Variants in TMEM33 observed in about 807,000 individuals in gnomAD.
The protein encoded by TMEM33 is transmembrane protein 33.
Under a neutral mutation model 29.7 loss-of-function variants are expected in TMEM33, and 16 were observed. The ratio of observed to expected loss-of-function variants is 0.54; its 90% CI spans 0.36 to 0.82. TMEM33 has a LOEUF of 0.82. Ranked by LOEUF, TMEM33 falls within the 40% of genes least tolerant of loss-of-function variation. TMEM33 has a pLI of 0.00. For synonymous variants in TMEM33, 112 were observed against 109.4 expected (o/e 1.02, Z -0.15); for missense variants, 252 against 295.3 (o/e 0.85, Z 1.08).
chr4:41,954,355 A>T lies in TMEM33; in HGVS notation c.*156A>T. The T allele has an allele frequency of 1.1e-6, 1 of 891,492 alleles. No individual in the cohort carries two copies. The highest frequency in any genetic ancestry group is 1.6e-6 in the Non-Finnish European group (1 of 628,516). The allele number at this position is 891,492 out of a possible 1,614,324, so 55.2% of individuals were successfully genotyped here. On this transcript the variant is annotated 3_prime_UTR_variant, in exon 7 of 7. Transcript: ENST00000504986. ...GTGGAAAAATAATCATTTTCTTGGC[A>T]TGTTAAATCAAGCTTAAAAAGTTTT...
chr4:41,942,007 T>C (rs1983137), intron 3 of TMEM33, among the ~76,000 whole-genome samples: 3,957 of 152,310 alleles, frequency 0.026, 159 homozygotes, highest in African/African-American at 0.089. Flanking sequence ...CTCTGCATAC[T>C]CATTTGCCAG....
chr4:41,939,504 G>A, intron 3 of TMEM33, 121 bp downstream of exon 3: 4 of 1,000,616 alleles, frequency 4.0e-6, no homozygotes, highest in Non-Finnish European at 4.4e-6. Flanking sequence ...CACTTCATTT[G>A]AATGAAGATA....
In TMEM33 at chr4:41,955,645, C is replaced by T. The variant is rs922203058; in HGVS notation, c.*1446C>T. On this transcript the variant is annotated 3_prime_UTR_variant, in exon 7 of 7. Coordinates refer to ENST00000504986, the MANE Select transcript of TMEM33 (RefSeq NM_018126.3). ...TTATACTTGATAGCTTAACTATAAT[C>T]AGCTATTTTTGTATTTTTGTAATAT... is the stretch of plus-strand genomic sequence containing the variant. 3.9e-5 allele frequency: 6 copies of T among 152,380 alleles called. No homozygotes were observed. The highest frequency in any genetic ancestry group is 7.4e-5 in the Non-Finnish European group (5 of 68,008). The allele number at this position is 152,380 out of a possible 1,614,324, so 9.4% of individuals were successfully genotyped here.
rs749108113 is a variant in TMEM33, at chr4:41,943,764, T to C, written c.346T>C (p.Leu116=). The change falls in exon 4 of 7, where the codon TTG becomes CTG. Residue 116 remains leucine, a synonymous_variant. Coordinates refer to ENST00000504986, the MANE Select transcript of TMEM33 (RefSeq NM_018126.3). ...YPVTMSIFPV[L]LFSLLHAATY... ...TTCTTTAGTGAGTATCTTCCCAGTC[T>C]TGTTATTCTCTTTGCTTCATGCTGC... is the stretch of plus-strand genomic sequence containing the variant. 5.6e-6 allele frequency: 9 copies of C among 1,613,926 alleles called. No individual in the cohort carries two copies. Among genetic ancestry groups the C allele is most frequent in the East Asian group, 2.2e-5 (1 of 44,802 alleles).
chr4:41,942,331 G>C (rs1409150349), intron 3 of TMEM33, among the ~76,000 whole-genome samples: 1 of 152,132 alleles, frequency 6.6e-6, no homozygotes, highest in Non-Finnish European at 1.5e-5. Context: ...CTTGTTAGAG[G>C]TGGGAATGAG....
chr4:41,940,474 A>G (rs968888467), intron 3 of TMEM33, among the ~76,000 whole-genome samples: 9 of 152,142 alleles, frequency 5.9e-5, no homozygotes, highest in Non-Finnish European at 1.3e-4. Context: ...AGGAAAAGAA[A>G]TAGGAGGAAA....
intron 1 of TMEM33, among the ~76,000 whole-genome samples, chr4:41,937,849 G>A (rs1441052754): frequency 6.6e-6 from 1 of 151,918 alleles, no homozygotes; most frequent in Non-Finnish European, 1.5e-5. Flanking sequence ...AAGATAGAAT[G>A]GGAAAAAAAT....
At position 41,956,803 on chromosome 4, in the gene TMEM33, A is replaced by G. The variant is rs1458896487; in HGVS notation, c.*2604A>G. The G allele has an allele frequency of 1.3e-5, 2 of 152,184 alleles. No homozygotes were observed. The highest frequency in any genetic ancestry group is 4.8e-5 in the African/African-American group (2 of 41,452). The allele number at this position is 152,184 out of a possible 1,614,324, so 9.4% of individuals were successfully genotyped here. On this transcript the variant is annotated 3_prime_UTR_variant, in exon 7 of 7. Coordinates refer to ENST00000504986, the MANE Select transcript of TMEM33 (RefSeq NM_018126.3). Reference sequence around the variant, plus strand: ...AAAAAAAGGTAATCTTAAACTTACGAAAAAGTAAATTTTACAATTTGAGCA... The same window carrying G: ...AAAAAAAGGTAATCTTAAACTTACGGAAAAGTAAATTTTACAATTTGAGCA...
rs982509965 is a variant in TMEM33, at chr4:41,959,962, TG to T, written c.*5767del. Reference sequence around the variant, plus strand: ...TTTTAATATCTAATATTGTACAGGTTGGGGAGTTACATTCTTCAGGCCAATA... The same window carrying T: ...TTTTAATATCTAATATTGTACAGGTTGGGAGTTACATTCTTCAGGCCAATA... On this transcript the variant is annotated 3_prime_UTR_variant, in exon 7 of 7. Transcript: ENST00000504986. The T allele has an allele frequency of 7.6e-4, 115 of 152,294 alleles. No homozygotes were observed. The highest frequency in any genetic ancestry group is 2.7e-3 in the African/African-American group (111 of 41,576). The allele number at this position is 152,294 out of a possible 1,614,324, so 9.4% of individuals were successfully genotyped here.
In TMEM33 at chr4:41,960,605, A is replaced by G. The variant is rs1431528611; in HGVS notation, c.*6406A>G. The G allele has an allele frequency of 2.0e-5, 3 of 152,186 alleles. No individual in the cohort carries two copies. The highest frequency in any genetic ancestry group is 4.4e-5 in the Non-Finnish European group (3 of 68,006). The allele number at this position is 152,186 out of a possible 1,614,324, so 9.4% of individuals were successfully genotyped here. On this transcript the variant is annotated 3_prime_UTR_variant, in exon 7 of 7. Transcript: ENST00000504986. ...TTGCAAAAGAACTAAGAACATTTGT[A>G]GTTAGAAATCAGCTTTCCTTTGAGC...
At chr4:41,947,728 C>G (rs1402976792) in intron 5 of TMEM33, among the ~76,000 whole-genome samples, 3 of 152,152 alleles carry the variant, frequency 2.0e-5, no homozygotes, top group Admixed American at 1.3e-4. Context: ...TCTTACATTA[C>G]TGCTATTCTT....
intron 5 of TMEM33, among the ~76,000 whole-genome samples, chr4:41,946,661 T>G (rs974116147): frequency 1.3e-5 from 2 of 152,174 alleles, no homozygotes; most frequent in Non-Finnish European, 2.9e-5. Flanking sequence ...TCCTAGAAGC[T>G]GAAAGCATAT....
rs1366898533 is a variant in TMEM33, at chr4:41,935,467, A to G, written c.-18A>G. On this transcript the variant is annotated 5_prime_UTR_variant, in exon 1 of 7. Coordinates refer to ENST00000504986, the MANE Select transcript of TMEM33 (RefSeq NM_018126.3). ...TCTCTTCGCGGTTGCGGCGTCGCAG[A>G]CGCTAGTGTGAGCCCCCATGGCAGA... The G allele has an allele frequency of 6.2e-7, 1 of 1,604,808 alleles. No homozygotes were observed. Among genetic ancestry groups the G allele is most frequent in the East Asian group, 2.2e-5 (1 of 44,606 alleles).
intron 3 of TMEM33, 107 bp from the exon 4 acceptor site, chr4:41,943,640 A>G (rs1183640347): frequency 1.0e-6 from 1 of 954,038 alleles, no homozygotes; most frequent in African/African-American, 1.6e-5. Flanking sequence ...ATTCCACTGA[A>G]CTCATTTTAG....
intron 5 of TMEM33, among the ~76,000 whole-genome samples, chr4:41,948,283 A>G (rs565563473): frequency 2.2e-4 from 33 of 152,308 alleles, no homozygotes; most frequent in Admixed American, 3.3e-4. Flanking sequence ...AGATTGTGGT[A>G]TAAGTTTGAG....
In TMEM33 at chr4:41,938,720, C is replaced by T. The variant is rs774433780; in HGVS notation, c.140+24C>T. 6 of 1,607,532 alleles carry T rather than the reference C, an allele frequency of 3.7e-6. No homozygotes were observed. The East Asian group carries it at 8.9e-5, about 24-fold the overall frequency. Reference sequence around the variant, plus strand: ...GGGTATGTATTATACATATTGCTGCCTTTGATATTCAATTGTTGAGTCAGT... The same window carrying T: ...GGGTATGTATTATACATATTGCTGCTTTTGATATTCAATTGTTGAGTCAGT... On this transcript the variant is annotated intron_variant, in intron 2 of 6. Transcript: ENST00000504986.
chr4:41,943,891 A>G (rs1712663867), intron 4 of TMEM33, 77 bp downstream of exon 4: 4 of 1,411,878 alleles, frequency 2.8e-6, no homozygotes, highest in African/African-American at 1.4e-5. Context: ...ACATTTTGGT[A>G]TTTGTCACAA....
intron 3 of TMEM33, among the ~76,000 whole-genome samples, chr4:41,942,794 C>G (rs745890910): frequency 2.0e-4 from 31 of 152,096 alleles, no homozygotes; most frequent in Non-Finnish European, 4.3e-4. Flanking sequence ...AGGATTCTTT[C>G]CTTATGTCTG....
In TMEM33 at chr4:41,958,596, A is replaced by T. The variant is rs1713357549; in HGVS notation, c.*4397A>T. 1 of 150,742 alleles carries T rather than the reference A, an allele frequency of 6.6e-6. No individual in the cohort carries two copies. The highest frequency in any genetic ancestry group is 1.5e-5 in the Non-Finnish European group (1 of 67,814). The allele number at this position is 150,742 out of a possible 1,614,324, so 9.3% of individuals were successfully genotyped here. A position where few individuals can be genotyped will look rare whatever the true frequency, so the allele number is the denominator to read the frequency against. On this transcript the variant is annotated 3_prime_UTR_variant, in exon 7 of 7. Transcript: ENST00000504986. ...ACCTCTTTTAAAATTTAGACTTTTG[A>T]TAGTAATATAAAAGCATATTGAAAT... is the stretch of plus-strand genomic sequence containing the variant.
Sources: allele counts gnomAD v4.1 joint callset (sites outside exome capture counted in the v4.1 genomes callset), GRCh38; gene constraint gnomAD v4.1.1; transcripts MANE v1.5; gene names NCBI Gene and HGNC (gene_info 2026-07-23, HGNC 2026-07-21).